Variants in PTPRN2 observed in about 807,000 individuals in gnomAD.
PTPRN2 encodes the protein protein tyrosine phosphatase receptor type N2, also known as receptor-type tyrosine-protein phosphatase N2.
A neutral mutation model predicts 118.8 loss-of-function variants in PTPRN2; 74 were observed. That is an observed-to-expected ratio of 0.62 (90% confidence interval 0.52 to 0.76). The LOEUF (loss-of-function observed/expected upper bound fraction) is 0.76. PTPRN2 is among the 30% of genes least tolerant of loss of function. The pLI, the probability that PTPRN2 is intolerant of heterozygous loss-of-function variation, is 0.00. For missense variants in PTPRN2, 1,481 were observed against 1,394.4 expected (o/e 1.06, Z -0.99); for synonymous variants, 641 against 608.0 (o/e 1.05, Z -0.80).
chr7:157,954,964 A>T (rs1801092858), intron 11 of PTPRN2, among the ~76,000 whole-genome samples: 1 of 152,246 alleles, frequency 6.6e-6, no homozygotes, highest in Non-Finnish European at 1.5e-5. Flanking sequence ...ATTGCTGGCA[A>T]TCTTTTTGTT....
intron 11 of PTPRN2, among the ~76,000 whole-genome samples, chr7:158,062,292 C>T (rs1810403815): frequency 6.6e-6 from 1 of 152,260 alleles, no homozygotes; most frequent in Non-Finnish European, 1.5e-5. Flanking sequence ...GTCCTGTGGA[C>T]ACCAGCCAGG....
At chr7:158,018,896 G>A (rs1465711167) in intron 11 of PTPRN2, among the ~76,000 whole-genome samples, 2 of 147,140 alleles carry the variant, frequency 1.4e-5, no homozygotes, top group Non-Finnish European at 3.0e-5. Context: ...AGGGGCAGAG[G>A]TTGCAGTGAG....
chr7:157,747,554 G>A (rs1801059489), intron 12 of PTPRN2, among the ~76,000 whole-genome samples: 1 of 117,432 alleles, frequency 8.5e-6, no homozygotes, highest in Non-Finnish European at 1.7e-5. Context: ...GCTGTGGGCT[G>A]TTGAGGTGAT....
chr7:158,128,225 A>C (rs1157614099), intron 9 of PTPRN2, among the ~76,000 whole-genome samples: 1 of 152,246 alleles, frequency 6.6e-6, no homozygotes, highest in African/African-American at 2.4e-5. Flanking sequence ...ATCACAAATT[A>C]TTAGTCTGAT....
At position 158,454,213 on chromosome 7, in the gene PTPRN2, G is replaced by A. The variant is rs1818292251; in HGVS notation, c.163+35522C>T. On this transcript the variant is annotated intron_variant, in intron 2 of 22. Transcript: ENST00000389418. Reference sequence around the variant, plus strand: ...CACAATCACTGATGTGAGGATTGGGGATGGTTGCTACAGAGGACAGACAAG... The same window carrying A: ...CACAATCACTGATGTGAGGATTGGGAATGGTTGCTACAGAGGACAGACAAG... 2.0e-5 allele frequency among the ~76,000 whole-genome samples: 3 copies of A among 152,222 alleles called. No homozygotes were observed. The South Asian group carries it at 6.2e-4, about 32-fold the overall frequency.
rs1291097888 is a variant in PTPRN2, at chr7:158,171,318, T to C, written c.550-4027A>G. Among the ~76,000 whole-genome samples the C allele has an allele frequency of 5.8e-3, 547 of 93,526 alleles. 26 individuals carry two copies. Among genetic ancestry groups the C allele is most frequent in the African/African-American group, 0.011 (244 of 21,430 alleles). The allele number at this position is 93,526 out of a possible 152,430, so 61.4% of individuals were successfully genotyped here. On this transcript the variant is annotated intron_variant, in intron 5 of 22. Transcript: ENST00000389418. ...ACATATATATACACACATATATATA[T>C]ATATATATATATATATATATATATA...
chr7:157,879,492 C>A (rs1309895292), intron 12 of PTPRN2, among the ~76,000 whole-genome samples: 1 of 152,204 alleles, frequency 6.6e-6, no homozygotes, highest in Non-Finnish European at 1.5e-5. Flanking sequence ...AAGCTCCATG[C>A]AGAGTGTCTT....
chr7:158,568,013 G>A lies in PTPRN2; in HGVS notation c.112+19545C>T, dbSNP rs28495202. Among the ~76,000 whole-genome samples the A allele has an allele frequency of 1.6e-4, 25 of 152,290 alleles. 1 individual carries two copies. Among genetic ancestry groups the A allele is most frequent in the African/African-American group, 5.8e-4 (24 of 41,550 alleles). On this transcript the variant is annotated intron_variant, in intron 1 of 22. Coordinates refer to ENST00000389418, the MANE Select transcript of PTPRN2 (RefSeq NM_002847.5). The stretch of plus-strand genomic sequence containing the variant: ...CACATCTGTAATCCCAACACTTTGG[G>A]AGGCTGATGCAGGCAGATCACTTGA...
At chr7:158,507,720 A>G (rs944906084) in intron 1 of PTPRN2, among the ~76,000 whole-genome samples, 4 of 150,492 alleles carry the variant, frequency 2.7e-5, no homozygotes, top group Middle Eastern at 3.4e-3. Flanking sequence ...AAGGTGAGTG[A>G]GGAATATCCA....
intron 10 of PTPRN2, among the ~76,000 whole-genome samples, chr7:158,087,229 C>T (rs371600711): frequency 1.3e-5 from 2 of 152,200 alleles, no homozygotes; most frequent in East Asian, 3.8e-4. Context: ...TCCCCGCACG[C>T]TGTACTGCTT....
At chr7:158,320,476 C>CCA (rs1802910743) in intron 2 of PTPRN2, among the ~76,000 whole-genome samples, 1 of 151,798 alleles carries the variant, frequency 6.6e-6, no homozygotes, top group Non-Finnish European at 1.5e-5. Context: ...TTTTTCACTC[C>CCA]GAGCAGCTGT....
At chr7:157,772,182 GAC>G (rs1275454907) in intron 12 of PTPRN2, among the ~76,000 whole-genome samples, 3 of 142,638 alleles carry the variant, frequency 2.1e-5, no homozygotes, top group African/African-American at 5.2e-5. Context: ...GACATACACA[GAC>G]ACAGACACAC....
At chr7:157,613,482 C>A (rs906828748) in intron 15 of PTPRN2, among the ~76,000 whole-genome samples, 4 of 152,180 alleles carry the variant, frequency 2.6e-5, no homozygotes, top group African/African-American at 9.6e-5. Flanking sequence ...CTCGGGGCCT[C>A]AATCGACAGA....
intron 12 of PTPRN2, among the ~76,000 whole-genome samples, chr7:157,773,141 G>A (rs554784813): frequency 6.6e-6 from 1 of 152,166 alleles, no homozygotes; most frequent in African/African-American, 2.4e-5. Context: ...GCAGCTCATC[G>A]CGAGGACCTC....
At chr7:157,634,004 G>A (rs967184040) in intron 14 of PTPRN2, among the ~76,000 whole-genome samples, 5 of 152,136 alleles carry the variant, frequency 3.3e-5, no homozygotes, top group Admixed American at 1.3e-4. Flanking sequence ...CAGTGGCTGT[G>A]GCATGGGGAA....
Position 157,611,635 on chromosome 7 carries a change from A to G in PTPRN2, c.2345-7560T>C, listed in dbSNP as rs1335596960. Among the ~76,000 whole-genome samples, 2 of 152,182 alleles carry G rather than the reference A, an allele frequency of 1.3e-5. No homozygotes were observed. Among genetic ancestry groups the G allele is most frequent in the African/African-American group, 2.4e-5 (1 of 41,444 alleles). ...AGGGCATTTGGGCGGCCCTAATGCA[A>G]TATGACTGGCGTGCTGTTAGGAAGA... is the stretch of plus-strand genomic sequence containing the variant. On this transcript the variant is annotated intron_variant, in intron 15 of 22. Coordinates refer to ENST00000389418, the MANE Select transcript of PTPRN2 (RefSeq NM_002847.5). This position sits in a 1 kb window ranked among gnomAD's most constrained non-coding sequence, Gnocchi z 5.9.
intron 2 of PTPRN2, among the ~76,000 whole-genome samples, chr7:158,347,111 C>A (rs560610091): frequency 6.6e-6 from 1 of 151,816 alleles, no homozygotes; most frequent in African/African-American, 2.4e-5. Flanking sequence ...TTGATATAAT[C>A]CCATTTGTTT....
At chr7:157,624,290 G>A (rs747536131) in intron 14 of PTPRN2, among the ~76,000 whole-genome samples, 2 of 152,032 alleles carry the variant, frequency 1.3e-5, no homozygotes, top group African/African-American at 2.4e-5. Flanking sequence ...GCATGGTGGC[G>A]GGCGCCTCTA....
chr7:157,665,575 GTTTTC>G (rs1052025788), intron 13 of PTPRN2, among the ~76,000 whole-genome samples: 5 of 152,124 alleles, frequency 3.3e-5, no homozygotes, highest in Non-Finnish European at 7.3e-5. Flanking sequence ...GATGAAACCT[GTTTTC>G]TTTTCTCTTC....
Sources: allele counts gnomAD v4.1 joint callset (sites outside exome capture counted in the v4.1 genomes callset), GRCh38; gene constraint gnomAD v4.1.1; non-coding constraint Gnocchi (gnomAD v3.1); transcripts MANE v1.5; gene names NCBI Gene and HGNC (gene_info 2026-07-23, HGNC 2026-07-21).